NAV2: variants seen among roughly 807,000 people sequenced by gnomAD.
The protein encoded by NAV2 is helicase, APC down-regulated 1.
Under a neutral mutation model 223.2 loss-of-function variants are expected in NAV2, and 54 were observed. The observed-to-expected ratio is 0.24, with a 90% CI of 0.19 to 0.30. NAV2 has a LOEUF of 0.30. Ranked by LOEUF, NAV2 falls within the 10% of genes least tolerant of loss-of-function variation. The pLI, the probability that NAV2 is intolerant of heterozygous loss-of-function variation, is 1.00. For missense variants in NAV2, 2,806 were observed against 3,147.5 expected (o/e 0.89, Z 2.60); for synonymous variants, 1,279 against 1,239.3 (o/e 1.03, Z -0.67).
intron 1 of NAV2, among the ~76,000 whole-genome samples, chr11:19,659,599 G>A (rs1287038463): frequency 2.0e-5 from 3 of 152,130 alleles, no homozygotes; most frequent in Non-Finnish European, 2.9e-5. Flanking sequence ...GGGACACATT[G>A]GAGATACAAG....
intron 1 of NAV2, among the ~76,000 whole-genome samples, chr11:19,596,628 C>T (rs779056571): frequency 6.6e-6 from 1 of 152,224 alleles, no homozygotes; most frequent in Non-Finnish European, 1.5e-5. Flanking sequence ...CAGAGCAGAA[C>T]CAGCTCGCTG....
Position 19,418,028 on chromosome 11 carries a change from T to C in NAV2, c.75+67001T>C, listed in dbSNP as rs1159750520. Among the ~76,000 whole-genome samples the C allele has an allele frequency of 3.3e-5, 5 of 152,022 alleles. No individual in the cohort carries two copies. The East Asian group carries it at 9.6e-4, about 29-fold the overall frequency. On this transcript the variant is annotated intron_variant, in intron 1 of 37. Coordinates refer to the NAV2 transcript ENST00000360655. ...AGAAATACCTAATGTAGATGATGGG[T>C]TGATGGGTCCAGCAAACCATCATGG...
At chr11:19,982,591 CATT>C (rs1349972081) in intron 10 of NAV2, among the ~76,000 whole-genome samples, 1 of 152,144 alleles carries the variant, frequency 6.6e-6, no homozygotes, top group African/African-American at 2.4e-5. Context: ...ACAGATTTCT[CATT>C]ATGTTGATAT....
At chr11:19,787,809 G>C (rs1020894326) in intron 1 of NAV2, among the ~76,000 whole-genome samples, 2 of 152,154 alleles carry the variant, frequency 1.3e-5, no homozygotes, top group Non-Finnish European at 2.9e-5. Flanking sequence ...GGGAGAAAGG[G>C]AGGGTCATAA....
intron 1 of NAV2, among the ~76,000 whole-genome samples, chr11:19,799,847 G>T (rs2058133863): frequency 6.6e-6 from 1 of 152,014 alleles, no homozygotes; most frequent in South Asian, 2.1e-4. Context: ...CACATATATT[G>T]GTGGGGACAG....
intron 4 of NAV2, among the ~76,000 whole-genome samples, chr11:19,870,735 T>C (rs2062429961): frequency 6.6e-6 from 1 of 152,170 alleles, no homozygotes; most frequent in African/African-American, 2.4e-5. Flanking sequence ...ACAGCCTCAG[T>C]TTATAGATGA....
chr11:19,783,133 T>C (rs1032381848), intron 1 of NAV2, among the ~76,000 whole-genome samples: 1 of 152,210 alleles, frequency 6.6e-6, no homozygotes, highest in Non-Finnish European at 1.5e-5. Flanking sequence ...AAGGTGTGTA[T>C]GTCTGTAGAG....
chr11:19,793,943 CCA>C (rs1374542009), intron 1 of NAV2, among the ~76,000 whole-genome samples: 1 of 152,206 alleles, frequency 6.6e-6, no homozygotes, highest in Non-Finnish European at 1.5e-5. Context: ...GGACCCCCAA[CCA>C]CAGTGTCCAC....
At chr11:19,399,099 A>G (rs945927746) in intron 1 of NAV2, among the ~76,000 whole-genome samples, 5 of 152,234 alleles carry the variant, frequency 3.3e-5, no homozygotes, top group African/African-American at 1.2e-4. Flanking sequence ...GTCTCTGGTG[A>G]AATGTGATCT....
intron 29 of NAV2, among the ~76,000 whole-genome samples, chr11:20,095,159 T>A (rs1037345165): frequency 6.6e-6 from 1 of 152,180 alleles, no homozygotes; most frequent in African/African-American, 2.4e-5. Flanking sequence ...TAAGATCTAG[T>A]AAGGAGGTAA....
At chr11:19,749,152 G>A (rs1027725850) in intron 1 of NAV2, among the ~76,000 whole-genome samples, 3 of 152,192 alleles carry the variant, frequency 2.0e-5, no homozygotes, top group African/African-American at 7.2e-5. Context: ...TCATTTCCCA[G>A]TTTGTTTTTT....
chr11:19,429,138 T>G (rs1317632036), intron 1 of NAV2, among the ~76,000 whole-genome samples: 1 of 152,240 alleles, frequency 6.6e-6, no homozygotes, highest in African/African-American at 2.4e-5. Flanking sequence ...CAGAGTCTTC[T>G]GCTTCTCTTG....
chr11:19,529,630 C>A (rs1032607180), intron 1 of NAV2, among the ~76,000 whole-genome samples: 7 of 152,224 alleles, frequency 4.6e-5, no homozygotes, highest in Non-Finnish European at 7.3e-5. Flanking sequence ...GGTACGGGAA[C>A]TTTTCTGCCC....
chr11:19,743,668 G>A (rs1200585057), intron 1 of NAV2, among the ~76,000 whole-genome samples: 1 of 152,286 alleles, frequency 6.6e-6, no homozygotes, highest in Non-Finnish European at 1.5e-5. Flanking sequence ...TTAGCCTAGA[G>A]CTACCTCTCC....
intron 1 of NAV2, among the ~76,000 whole-genome samples, chr11:19,587,090 C>A (rs904937127): frequency 1.3e-5 from 2 of 152,194 alleles, no homozygotes; most frequent in African/African-American, 4.8e-5. Context: ...GACACCCCTC[C>A]CCCAGCCTTG....
chr11:19,571,141 G>C (rs2045414057), intron 1 of NAV2, among the ~76,000 whole-genome samples: 1 of 152,190 alleles, frequency 6.6e-6, no homozygotes, highest in African/African-American at 2.4e-5. Flanking sequence ...CCACAACATG[G>C]ATGAACTCTG....
At chr11:19,789,188 G>T (rs1326374819) in intron 1 of NAV2, among the ~76,000 whole-genome samples, 1 of 152,178 alleles carries the variant, frequency 6.6e-6, no homozygotes, top group African/African-American at 2.4e-5. Context: ...AATAAAATCA[G>T]TAAGAAGCTA....
intron 1 of NAV2, among the ~76,000 whole-genome samples, chr11:19,412,248 C>G (rs1338783460): frequency 6.6e-6 from 1 of 152,184 alleles, no homozygotes; most frequent in African/African-American, 2.4e-5. Flanking sequence ...GGAGGGGCAT[C>G]TGCCATTACT....
At chr11:20,024,966 T>C (rs954447160) in intron 11 of NAV2, among the ~76,000 whole-genome samples, 4 of 152,278 alleles carry the variant, frequency 2.6e-5, no homozygotes, top group African/African-American at 9.6e-5. Flanking sequence ...GTGTCCTGTG[T>C]ATTTTGAATA....
Sources: gnomAD v4.1 joint callset for allele counts (sites outside exome capture counted in the v4.1 genomes callset) on GRCh38, gnomAD v4.1.1 for gene constraint, MANE v1.5 for transcripts, NCBI Gene and HGNC (gene_info 2026-07-23, HGNC 2026-07-21) for gene names.